Variants in NUP155 observed in about 807,000 individuals in gnomAD.
The protein encoded by NUP155 is nucleoporin 155.
A neutral mutation model predicts 180.4 loss-of-function variants in NUP155; 71 were observed. That is an observed-to-expected ratio of 0.39 (90% CI 0.33 to 0.48). The LOEUF (loss-of-function observed/expected upper bound fraction) is 0.48, where lower values mean the gene tolerates loss of function less well. NUP155 is among the 20% of genes least tolerant of loss of function. The probability of loss-of-function intolerance (pLI) is 0.91; values close to 1 mark genes in which losing one functional copy is unlikely to be tolerated. For synonymous variants in NUP155, 582 were observed against 559.5 expected, an observed-to-expected ratio of 1.04 and a Z score of -0.57; for missense variants, 1,553 against 1,648.9, an observed-to-expected ratio of 0.94 and a Z score of 1.01.
intron 16 of NUP155, 81 bp from the exon 17 acceptor site, chr5:37,328,501 G>A (rs1744753991): frequency 1.8e-6 from 2 of 1,096,596 alleles, no homozygotes; most frequent in East Asian, 2.4e-5. Context: ...GGTAAAGAAG[G>A]TATTTCCTTT....
At chr5:37,366,593 C>T (rs1036904378) in intron 1 of NUP155, among the ~76,000 whole-genome samples, 2 of 152,062 alleles carry the variant, frequency 1.3e-5, no homozygotes, top group Admixed American at 6.6e-5. Flanking sequence ...CATGAGCCAC[C>T]ACGCCCAGCT....
In NUP155 at chr5:37,303,181, T is replaced by A; in HGVS notation, c.3317+79A>T. 8 of 1,533,218 alleles carry A rather than the reference T, an allele frequency of 5.2e-6. No homozygotes were observed. In the South Asian group the frequency reaches 9.3e-5, roughly 18 times the overall value. The allele number at this position is 1,533,218 out of a possible 1,614,324, so 95.0% of individuals were successfully genotyped here. ...CAGTATATTAAAACTTAGATTCTTC[T>A]AAAATTAAAGAAAACTGAATGTAAG... On this transcript the variant is annotated intron_variant, in intron 28 of 34. Coordinates refer to ENST00000231498, the MANE Select transcript of NUP155 (RefSeq NM_153485.3).
intron 9 of NUP155, among the ~76,000 whole-genome samples, chr5:37,346,419 C>T (rs185984023): frequency 6.6e-6 from 1 of 152,224 alleles, no homozygotes; most frequent in African/African-American, 2.4e-5. Context: ...CGCCTGTAAT[C>T]CCAGCACTTC....
rs931800042 is a variant in NUP155 at position 37,346,325 on chromosome 5, A to G, written c.995+2180T>C. ...TTATTTCACTCTGATTGTAGCAATAATCTAGGCACAATGACAATAGAAGTT... is the reference window on the plus strand; with the variant it reads ...TTATTTCACTCTGATTGTAGCAATAGTCTAGGCACAATGACAATAGAAGTT... On this transcript the variant is annotated intron_variant, in intron 9 of 34. Coordinates refer to ENST00000231498, the MANE Select transcript of NUP155 (RefSeq NM_153485.3). Among the ~76,000 whole-genome samples, 6 of 152,272 alleles carry G rather than the reference A, an allele frequency of 3.9e-5. No homozygotes were observed. In the East Asian group the frequency reaches 1.2e-3, roughly 29 times the overall value.
chr5:37,293,017 G>T, intron 33 of NUP155, 32 bp from the exon 34 acceptor site: 2 of 1,357,836 alleles, frequency 1.5e-6, no homozygotes, highest in Non-Finnish European at 2.1e-6. Flanking sequence ...GAAATGTGAG[G>T]CAAATTGTGT....
At chr5:37,357,240 T>C (rs552629824) in intron 4 of NUP155, among the ~76,000 whole-genome samples, 3 of 151,714 alleles carry the variant, frequency 2.0e-5, no homozygotes, top group African/African-American at 7.3e-5. Context: ...ACCCCATCTC[T>C]ACAAAAATTA....
At chr5:37,296,144 C>T (rs1427899096) in intron 32 of NUP155, among the ~76,000 whole-genome samples, 2 of 152,168 alleles carry the variant, frequency 1.3e-5, no homozygotes, top group Non-Finnish European at 2.9e-5. Flanking sequence ...TGAGGAGCCC[C>T]TCTGCCCGGC....
In NUP155 at chr5:37,291,806, T is replaced by C. The variant is rs1742245167; in HGVS notation, c.*94A>G. The C allele has an allele frequency of 2.6e-6, 3 of 1,136,776 alleles. No individual in the cohort carries two copies. The highest frequency in any genetic ancestry group is 1.8e-5 in the Admixed American group (1 of 56,402). 70.4% of individuals were successfully genotyped at this position (1,136,776 alleles called of 1,614,324 possible). On this transcript the variant is annotated 3_prime_UTR_variant, in exon 35 of 35. Coordinates refer to ENST00000231498, the MANE Select transcript of NUP155 (RefSeq NM_153485.3). ...TAAAAACATATTTCTATTAAGATTG[T>C]TCTTACATTCTTAGATTTAGAACAC...
intron 1 of NUP155, among the ~76,000 whole-genome samples, chr5:37,365,711 G>GAAAAAAAAAAAAAAA (rs1747518236): frequency 5.9e-5 from 2 of 34,004 alleles, no homozygotes; most frequent in African/African-American, 1.6e-4. Context: ...CTGTCTCGGG[G>GAAAAAAAAAAAAAAA]AGAAAAAAAA....
At chr5:37,306,584 C>T (rs1230826952) in intron 25 of NUP155, among the ~76,000 whole-genome samples, 1 of 152,120 alleles carries the variant, frequency 6.6e-6, no homozygotes, top group Non-Finnish European at 1.5e-5. Flanking sequence ...TCTCCTGCCT[C>T]AGCCTCCCAA....
At chr5:37,366,343 A>G (rs1747582831) in intron 1 of NUP155, among the ~76,000 whole-genome samples, 2 of 152,262 alleles carry the variant, frequency 1.3e-5, no homozygotes, top group South Asian at 2.1e-4. Context: ...TAAGAAAAAT[A>G]CAATAAATAC....
chr5:37,335,426 A>G (rs1321812982), intron 12 of NUP155, among the ~76,000 whole-genome samples: 1 of 151,952 alleles, frequency 6.6e-6, no homozygotes, highest in Non-Finnish European at 1.5e-5. Context: ...ATACTTTATA[A>G]TAAAAAAATT....
At chr5:37,316,351 A>G (rs1190101201) in intron 21 of NUP155, among the ~76,000 whole-genome samples, 1 of 152,222 alleles carries the variant, frequency 6.6e-6, no homozygotes, top group Non-Finnish European at 1.5e-5. Flanking sequence ...TCATCCTAAT[A>G]GGGTACCCAG....
At chr5:37,293,796 G>A (rs958643747) in intron 33 of NUP155, among the ~76,000 whole-genome samples, 2 of 78,862 alleles carry the variant, frequency 2.5e-5, no homozygotes, top group Non-Finnish European at 4.1e-5. Context: ...TCAGGAGATC[G>A]AGACCATCCT....
Position 37,304,792 on chromosome 5 carries a change from T to C in NUP155, c.3109A>G (p.Ile1037Val). The change falls in exon 27 of 35, where the codon ATT becomes GTT. Residue 1037 changes from isoleucine (I) to valine (V), a missense_variant. Coordinates refer to ENST00000231498, the MANE Select transcript of NUP155 (RefSeq NM_153485.3). The part of the protein sequence containing the change: ...SQRSKDELFS[I>V]ALYNWLIQVD... Reference sequence around the variant, plus strand: ...TGTATTAGCCAATTATAAAGGGCAATACTAAAGAGCTCATCCTTGGATCGC... The same window carrying C: ...TGTATTAGCCAATTATAAAGGGCAACACTAAAGAGCTCATCCTTGGATCGC... 2.5e-6 allele frequency: 4 copies of C among 1,614,016 alleles called. No homozygotes were observed. Among genetic ancestry groups the C allele is most frequent in the Non-Finnish European group, 3.4e-6 (4 of 1,179,938 alleles).
In NUP155 at chr5:37,314,278, GAACC is replaced by G; in HGVS notation, c.2352_2355del (p.Leu784PhefsTer34). 1 of 1,609,854 alleles carries G rather than the reference GAACC, an allele frequency of 6.2e-7. No homozygotes were observed. Among genetic ancestry groups the G allele is most frequent in the Non-Finnish European group, 8.5e-7 (1 of 1,176,434 alleles). ...AAAGCCAGAGCCTGATATGATTTTC[GAACC>G]AACTGCTGAATTGCCTGAAGTGAAA... On this transcript the variant is annotated frameshift_variant, in exon 22 of 35. Coordinates refer to ENST00000231498, the MANE Select transcript of NUP155 (RefSeq NM_153485.3). LOFTEE classifies it high-confidence loss of function.
intron 1 of NUP155, among the ~76,000 whole-genome samples, chr5:37,368,540 C>T (rs1190029200): frequency 6.6e-6 from 1 of 152,042 alleles, no homozygotes. Flanking sequence ...CAAATCCAGG[C>T]TGGGCACAGT....
At chr5:37,340,930 T>C (rs1044953593) in intron 11 of NUP155, among the ~76,000 whole-genome samples, 160 bp downstream of exon 11, 2 of 152,184 alleles carry the variant, frequency 1.3e-5, no homozygotes, top group African/African-American at 4.8e-5. Flanking sequence ...TAAGACCCAA[T>C]AGTCCGTTTT....
chr5:37,307,260 C>T, intron 25 of NUP155, 37 bp downstream of exon 25: 3 of 1,603,372 alleles, frequency 1.9e-6, no homozygotes, highest in Non-Finnish European at 2.6e-6. Flanking sequence ...AGTCTGTATC[C>T]ATAAAGATGA....
Sources: gnomAD v4.1 joint callset for allele counts (sites outside exome capture counted in the v4.1 genomes callset) on GRCh38, gnomAD v4.1.1 for gene constraint, MANE v1.5 for transcripts, NCBI Gene and HGNC (gene_info 2026-07-23, HGNC 2026-07-21) for gene names.